Variants in FAM200A observed in about 807,000 individuals in gnomAD.
The protein encoded by FAM200A is ZBED8 like.
In FAM200A, 26 loss-of-function variants were observed where a neutral mutation model predicts 44.2. The observed-to-expected ratio is 0.59, with a 90% CI of 0.43 to 0.82. The LOEUF (loss-of-function observed/expected upper bound fraction) is 0.82, where lower values mean the gene tolerates loss of function less well. FAM200A is among the 40% of genes least tolerant of loss of function. The probability of loss-of-function intolerance (pLI) is 0.00; values close to 1 mark genes in which losing one functional copy is unlikely to be tolerated. For synonymous variants in FAM200A, 206 were observed against 244.4 expected (o/e 0.84, Z 1.47); for missense variants, 606 against 669.5 (o/e 0.91, Z 1.05).
chr7:99,547,249 C>A lies in FAM200A; in HGVS notation c.1159G>T (p.Ala387Ser). The A allele has an allele frequency of 6.4e-7, 1 of 1,551,358 alleles. No individual in the cohort carries two copies. Among genetic ancestry groups the A allele is most frequent in the Non-Finnish European group, 8.7e-7 (1 of 1,146,898 alleles). Residue 387 changes from alanine to serine, a missense_variant, in exon 2 of 2, where the codon GCA becomes TCA. Physicochemically the swap from Ala to Ser is moderately conservative, Grantham distance 99 (BLOSUM62 1). Transcript: ENST00000449309. ...CTAGGGCGGTTACTTTTAAGTCTTG[C>A]TTGCCACAATAATAACGTCTTTTGG... is the stretch of plus-strand genomic sequence containing the variant. ...GFQKTLLLWQARLKSNRPSYY... is the reference protein window; with the variant it reads ...GFQKTLLLWQSRLKSNRPSYY...
chr7:99,555,425 G>A (rs1002217544), upstream of FAM200A, among the ~76,000 whole-genome samples: 2 of 152,178 alleles, frequency 1.3e-5, no homozygotes, highest in African/African-American at 2.4e-5. Context: ...GATTTCTGTT[G>A]TTTAAGCCAC....
chr7:99,557,238 A>G (rs895886655), intron 1 of FAM200A, among the ~76,000 whole-genome samples: 3 of 152,100 alleles, frequency 2.0e-5, no homozygotes, highest in Non-Finnish European at 1.5e-5. Context: ...CTCTCACTGG[A>G]GCCAATTGCC....
intron 1 of FAM200A, among the ~76,000 whole-genome samples, chr7:99,549,666 T>C (rs962443444): frequency 1.3e-5 from 2 of 152,134 alleles, no homozygotes; most frequent in Non-Finnish European, 2.9e-5. Context: ...CCATCAATGA[T>C]AGACTGGATT....
At chr7:99,555,443 G>A (rs1262376698), upstream of FAM200A, among the ~76,000 whole-genome samples, 5 of 152,176 alleles carry the variant, frequency 3.3e-5, no homozygotes, top group Non-Finnish European at 7.4e-5. Flanking sequence ...CACCCAGTTT[G>A]TGGTACTTTG....
upstream of FAM200A, among the ~76,000 whole-genome samples, chr7:99,557,070 AC>A (rs764070780): frequency 3.9e-4 from 59 of 152,328 alleles, no homozygotes; most frequent in Non-Finnish European, 6.8e-4. Context: ...AAAAAAGGTA[AC>A]AATTTTTTGA....
chr7:99,558,483 G>C (rs1473945056), exon 1 of FAM200A: 3 of 152,452 alleles, frequency 2.0e-5, no homozygotes, highest in East Asian at 3.9e-4. Context: ...GCGAAAACGA[G>C]CCTTCGAATC....
chr7:99,551,953 G>A lies in FAM200A; in HGVS notation c.-199C>T. On this transcript the variant is annotated 5_prime_UTR_variant, in exon 1 of 2. Transcript: ENST00000449309. ...ACCCGCTTCCACTCCGTCCCGGGCGGTCGTGGCGAGGGGATTGCAGGACAC... is the reference window on the plus strand; with the variant it reads ...ACCCGCTTCCACTCCGTCCCGGGCGATCGTGGCGAGGGGATTGCAGGACAC... 4 of 985,550 alleles carry A rather than the reference G, an allele frequency of 4.1e-6. No individual in the cohort carries two copies. Among genetic ancestry groups the A allele is most frequent in the Non-Finnish European group, 4.8e-6 (4 of 829,994 alleles). 61.1% of individuals were successfully genotyped at this position (985,550 alleles called of 1,614,324 possible).
In FAM200A at chr7:99,546,868, T is replaced by C. The variant is rs1802399289; in HGVS notation, c.1540A>G (p.Ile514Val). 3 of 1,550,838 alleles carry C rather than the reference T, an allele frequency of 1.9e-6. No individual in the cohort carries two copies. Among genetic ancestry groups the C allele is most frequent in the Non-Finnish European group, 2.6e-6 (3 of 1,146,792 alleles). The change falls in exon 2 of 2, where the codon ATA (isoleucine) becomes GTA (valine). Residue 514 changes from isoleucine to valine, a missense_variant. By Grantham distance (29) the Ile-to-Val change is conservative. Coordinates refer to ENST00000449309, the MANE Select transcript of FAM200A (RefSeq NM_145111.4). ...DDFPLLSRKSILLLLPFTTTY... is the reference protein window; with the variant it reads ...DDFPLLSRKSVLLLLPFTTTY... ...GTTGTGAATGGTAGTAACAGCAATA[T>C]ACTCTTCCTACTTAGCAGTGGAAAG...
In FAM200A at chr7:99,547,814, C is replaced by A; in HGVS notation, c.594G>T (p.Gln198His). Residue 198 changes from glutamine to histidine, a missense_variant, in exon 2 of 2, where the codon CAG becomes CAT. Coordinates refer to ENST00000449309, the MANE Select transcript of FAM200A (RefSeq NM_145111.4). ...FTELENCLLGQYKLNWKHCKG... is the reference protein window; with the variant it reads ...FTELENCLLGHYKLNWKHCKG... ...TACAATGTTTCCAGTTTAATTTATACTGACCAAGAAGGCAGTTTTCTAATT... is the reference window on the plus strand; with the variant it reads ...TACAATGTTTCCAGTTTAATTTATAATGACCAAGAAGGCAGTTTTCTAATT... 1 of 1,551,506 alleles carries A rather than the reference C, an allele frequency of 6.4e-7. No homozygotes were observed. Among genetic ancestry groups the A allele is most frequent in the Non-Finnish European group, 8.7e-7 (1 of 1,146,964 alleles).
At chr7:99,556,967 T>C (rs1292561543), upstream of FAM200A, among the ~76,000 whole-genome samples, 1 of 152,120 alleles carries the variant, frequency 6.6e-6, no homozygotes, top group Non-Finnish European at 1.5e-5. Flanking sequence ...ACCTGGGAGC[T>C]GGAGGTTGCA....
chr7:99,552,849 C>G (rs891787662), upstream of FAM200A, among the ~76,000 whole-genome samples: 1 of 151,656 alleles, frequency 6.6e-6, no homozygotes, highest in African/African-American at 2.4e-5. Flanking sequence ...TACGTGGTAT[C>G]CCGAATTACC....
chr7:99,553,933 G>A (rs1190682020), upstream of FAM200A, among the ~76,000 whole-genome samples: 2 of 152,162 alleles, frequency 1.3e-5, no homozygotes, highest in African/African-American at 4.8e-5. Flanking sequence ...TTAGTTTCAG[G>A]TATGTCAATG....
rs1393001753 is a variant in FAM200A at position 99,546,757 on chromosome 7, G to A, written c.1651C>T (p.Arg551Trp). The change falls in exon 2 of 2, where the codon CGG (arginine) becomes TGG (tryptophan). Residue 551 changes from arginine (R) to tryptophan (W), a missense_variant. By Grantham distance (101) the Arg-to-Trp change is moderately radical (BLOSUM62 -3). Coordinates refer to ENST00000449309, the MANE Select transcript of FAM200A (RefSeq NM_145111.4). ...RNRLNSAPDM[R>W]VALSSCVPDW... is the part of the protein sequence containing the mutation. ...GGAACACATGAAGATAATGCTACCC[G>A]CATATCTGGTGCACTATTGAGCCTA... 4 of 1,550,548 alleles carry A rather than the reference G, an allele frequency of 2.6e-6. No homozygotes were observed. Among genetic ancestry groups the A allele is most frequent in the African/African-American group, 1.4e-5 (1 of 73,116 alleles).
upstream of FAM200A, among the ~76,000 whole-genome samples, chr7:99,553,095 A>ATT (rs1480454564): frequency 5.4e-4 from 48 of 88,858 alleles, 1 homozygote; most frequent in East Asian, 1.3e-3. Flanking sequence ...ATATATATAT[A>ATT]TATATTTTTT....
At chr7:99,548,691 A>T (rs1033924289) in intron 1 of FAM200A, among the ~76,000 whole-genome samples, 185 bp from the exon 2 acceptor site, 13 of 152,060 alleles carry the variant, frequency 8.5e-5, no homozygotes, top group African/African-American at 3.1e-4. Context: ...TTTAATACCC[A>T]GGGAAACCTA....
chr7:99,556,145 ATATCTTCAGGT>A (rs1420368721), upstream of FAM200A, among the ~76,000 whole-genome samples: 4 of 152,162 alleles, frequency 2.6e-5, no homozygotes, highest in Non-Finnish European at 5.9e-5. Flanking sequence ...ATAAGTGCCC[ATATCTTCAGGT>A]TTCTGTACTG....
chr7:99,552,988 CACAT>C (rs1802572031), upstream of FAM200A, among the ~76,000 whole-genome samples: 1 of 141,272 alleles, frequency 7.1e-6, no homozygotes, highest in South Asian at 2.1e-4. Flanking sequence ...TATATATACA[CACAT>C]ATATATACAC....
rs1005977477 is a variant in FAM200A at position 99,548,076 on chromosome 7, C to T, written c.332G>A (p.Ser111Asn). Reference sequence around the variant, plus strand: ...GATTCGACGAGATATTGTATTATCACTAAGAGGTATAGTTCTTAGTTTATC... The same window carrying T: ...GATTCGACGAGATATTGTATTATCATTAAGAGGTATAGTTCTTAGTTTATC... ...SADKLRTIPLSDNTISRRICT... is the reference protein window; with the variant it reads ...SADKLRTIPLNDNTISRRICT... The change falls in exon 2 of 2, where the codon AGT becomes AAT. Residue 111 changes from serine (S) to asparagine (N), a missense_variant. Ser to Asn is a conservative substitution (Grantham distance 46, BLOSUM62 1). Coordinates refer to ENST00000449309, the MANE Select transcript of FAM200A (RefSeq NM_145111.4). The T allele has an allele frequency of 7.7e-6, 12 of 1,551,502 alleles. No individual in the cohort carries two copies. The highest frequency in any genetic ancestry group is 1.4e-5 in the African/African-American group (1 of 73,040).
chr7:99,548,194 C>T lies in FAM200A; in HGVS notation c.214G>A (p.Ala72Thr), dbSNP rs1352720852. ...GCTGTGTGAGCCATTTTCTCTTTTG[C>T]CACTCTATATGCAACTAAATACGAT... Reference protein sequence around the residue: ...LSSYLVAYRVAKEKMAHTAAE... With the variant: ...LSSYLVAYRVTKEKMAHTAAE... Residue 72 changes from alanine (A) to threonine (T), a missense_variant, in exon 2 of 2, where the codon GCA (alanine) becomes ACA (threonine). By Grantham distance (58) the Ala-to-Thr change is moderately conservative (BLOSUM62 0). Coordinates refer to ENST00000449309, the MANE Select transcript of FAM200A (RefSeq NM_145111.4). 6.4e-7 allele frequency: 1 copy of T among 1,564,310 alleles called. No homozygotes were observed. Among genetic ancestry groups the T allele is most frequent in the Non-Finnish European group, 8.7e-7 (1 of 1,153,152 alleles).
Sources: gnomAD v4.1 joint callset for allele counts (sites outside exome capture counted in the v4.1 genomes callset) on GRCh38, gnomAD v4.1.1 for gene constraint, MANE v1.5 for transcripts, NCBI Gene and HGNC (gene_info 2026-07-23, HGNC 2026-07-21) for gene names.